ABCB1: variants seen among roughly 807,000 people sequenced by gnomAD.
The protein encoded by ABCB1 is ATP binding cassette subfamily B member 1.
A neutral mutation model predicts 142.0 loss-of-function variants in ABCB1; 69 were observed. The ratio of observed to expected loss-of-function variants is 0.49; its 90% CI spans 0.40 to 0.59. The LOEUF is 0.59. ABCB1 is among the 20% of genes least tolerant of loss of function. The pLI is 0.00. For synonymous variants in ABCB1, 532 were observed against 539.2 expected (o/e 0.99, Z 0.18); for missense variants, 1,326 against 1,554.7 (o/e 0.85, Z 2.47).
rs112610351 is a variant in ABCB1, at chr7:87,568,242, CAAT to C, written c.339-1269_339-1267del. Among the ~76,000 whole-genome samples, 529 of 135,946 alleles carry C rather than the reference CAAT, an allele frequency of 3.9e-3. 1 individual carries two copies. Among genetic ancestry groups the C allele is most frequent in the African/African-American group, 0.011 (415 of 36,530 alleles). 89.2% of individuals were successfully genotyped at this position (135,946 alleles called of 152,430 possible). On this transcript the variant is annotated intron_variant, in intron 5 of 27. Coordinates refer to ENST00000622132, the MANE Select transcript of ABCB1 (RefSeq NM_001348946.2). ...AATCCCGTCTCTACTAAAAATACGACAATAATAATAATAATAATAATAATAAAA... is the reference window on the plus strand; with the variant it reads ...AATCCCGTCTCTACTAAAAATACGACAATAATAATAATAATAATAATAAAA...
intron 1 of ABCB1, among the ~76,000 whole-genome samples, chr7:87,661,576 C>T (rs548563898): frequency 3.3e-5 from 5 of 151,850 alleles, no homozygotes; most frequent in South Asian, 4.2e-4. Context: ...CAGTTCCATC[C>T]GTGTTTTTGC....
At chr7:87,655,037 G>A (rs1330055837) in intron 1 of ABCB1, among the ~76,000 whole-genome samples, 1 of 152,068 alleles carries the variant, frequency 6.6e-6, no homozygotes, top group Non-Finnish European at 1.5e-5. Context: ...AGGATAACAA[G>A]TGCTGGAGAA....
At chr7:87,635,556 A>G (rs1439973186) in intron 1 of ABCB1, among the ~76,000 whole-genome samples, 1 of 152,198 alleles carries the variant, frequency 6.6e-6, no homozygotes, top group Non-Finnish European at 1.5e-5. Context: ...GATATGTAGG[A>G]CATTGTGATA....
intron 21 of ABCB1, among the ~76,000 whole-genome samples, chr7:87,526,875 G>T (rs10240953): frequency 0.033 from 4,968 of 152,124 alleles, 266 homozygotes; most frequent in African/African-American, 0.11. Context: ...TATAGATATG[G>T]ACTCATCCTA....
chr7:87,622,590 A>C (rs1188077549), intron 1 of ABCB1, among the ~76,000 whole-genome samples: 1 of 152,236 alleles, frequency 6.6e-6, no homozygotes, highest in Non-Finnish European at 1.5e-5. Context: ...AGAATTATCT[A>C]GAGACTATAT....
chr7:87,624,108 CTT>C (rs1820323436), intron 1 of ABCB1, among the ~76,000 whole-genome samples: 1 of 152,108 alleles, frequency 6.6e-6, no homozygotes, highest in South Asian at 2.1e-4. Flanking sequence ...TTACTTTTGA[CTT>C]TGCTTATGAT....
Position 87,671,199 on chromosome 7 carries a change from C to T in ABCB1, c.-331+41962G>A, listed in dbSNP as rs567395332. 5.9e-5 allele frequency among the ~76,000 whole-genome samples: 9 copies of T among 152,212 alleles called. No individual in the cohort carries two copies. The South Asian group carries it at 6.2e-4, about 11-fold the overall frequency. On this transcript the variant is annotated intron_variant, in intron 1 of 28. Transcript: ENST00000265724. Reference sequence around the variant, plus strand: ...TGGGGTGTGTGGGACCTGTGGGAGACGTACTGGCCTCCTCTCCTTGGGCTG... The same window carrying T: ...TGGGGTGTGTGGGACCTGTGGGAGATGTACTGGCCTCCTCTCCTTGGGCTG...
chr7:87,677,389 G>A (rs149332230), intron 1 of ABCB1, among the ~76,000 whole-genome samples: 150 of 150,180 alleles, frequency 1.0e-3, no homozygotes, highest in Non-Finnish European at 1.2e-3. Flanking sequence ...GAACCTGGAG[G>A]TCAATAAACT....
At chr7:87,621,638 T>A (rs1039383492) in intron 1 of ABCB1, among the ~76,000 whole-genome samples, 1 of 152,070 alleles carries the variant, frequency 6.6e-6, no homozygotes, top group African/African-American at 2.4e-5. Context: ...GCATAAAAAT[T>A]CAAAATTTCT....
At chr7:87,556,109 T>C (rs1231501454) in intron 8 of ABCB1, among the ~76,000 whole-genome samples, 1 of 152,186 alleles carries the variant, frequency 6.6e-6, no homozygotes, top group Non-Finnish European at 1.5e-5. Context: ...AAATCATCCA[T>C]TCATCAAAGG....
rs1257710271 is a variant in ABCB1, at chr7:87,626,737, G to GTGTCATATATA, written c.-330-25670_-330-25660dup. On this transcript the variant is annotated intron_variant, in intron 1 of 28. Coordinates refer to the ABCB1 transcript ENST00000265724. ...TGTCATATATATGTGTCATATATAT[G>GTGTCATATATA]TGTCATATATATGTCATATATATGT... 7.8e-3 allele frequency among the ~76,000 whole-genome samples: 749 copies of GTGTCATATATA among 95,744 alleles called. 131 individuals carry two copies. Among genetic ancestry groups the GTGTCATATATA allele is most frequent in the African/African-American group, 0.038 (587 of 15,574 alleles). 62.8% of individuals were successfully genotyped at this position (95,744 alleles called of 152,430 possible).
intron 4 of ABCB1, 42 bp downstream of exon 4, chr7:87,585,470 G>A (rs1818705388): frequency 6.2e-7 from 1 of 1,602,042 alleles, no homozygotes; most frequent in African/African-American, 1.3e-5. Flanking sequence ...GCTTGTTTTT[G>A]CTGCAAGTTT....
Position 87,624,212 on chromosome 7 carries a change from G to C in ABCB1, c.-330-23134C>G, listed in dbSNP as rs144610497. ...GAGCTTTCACACACATGTGAGACGTGCCTCACCCAATCCTTGTTATGATGT... is the reference window on the plus strand; with the variant it reads ...GAGCTTTCACACACATGTGAGACGTCCCTCACCCAATCCTTGTTATGATGT... On this transcript the variant is annotated intron_variant, in intron 1 of 28. Transcript: ENST00000265724. 8.6e-3 allele frequency among the ~76,000 whole-genome samples: 1,304 copies of C among 152,232 alleles called. 17 individuals carry two copies. Among genetic ancestry groups the C allele is most frequent in the Middle Eastern group, 0.048 (14 of 294 alleles).
At chr7:87,574,770 C>T (rs1818205182) in intron 4 of ABCB1, among the ~76,000 whole-genome samples, 1 of 152,192 alleles carries the variant, frequency 6.6e-6, no homozygotes, top group Non-Finnish European at 1.5e-5. Flanking sequence ...TGCAATAGAA[C>T]TCCGTAGTAA....
intron 1 of ABCB1, among the ~76,000 whole-genome samples, chr7:87,664,237 G>A (rs917350674): frequency 6.6e-6 from 1 of 152,000 alleles, no homozygotes; most frequent in African/African-American, 2.4e-5. Context: ...GAGGCAGGAG[G>A]GTCACTTGAG....
At chr7:87,675,785 G>T (rs1826294279) in intron 1 of ABCB1, among the ~76,000 whole-genome samples, 1 of 150,626 alleles carries the variant, frequency 6.6e-6, no homozygotes, top group Non-Finnish European at 1.5e-5. Flanking sequence ...TTTAACATAA[G>T]ACCTGAAACT....
intron 1 of ABCB1, among the ~76,000 whole-genome samples, chr7:87,654,488 G>C (rs1004454497): frequency 6.6e-6 from 1 of 152,084 alleles, no homozygotes; most frequent in African/African-American, 2.4e-5. Flanking sequence ...GGAAAGGACA[G>C]TCTCTTTAAT....
At chr7:87,589,669 T>C (rs1476013528) in intron 3 of ABCB1, among the ~76,000 whole-genome samples, 1 of 151,888 alleles carries the variant, frequency 6.6e-6, no homozygotes, top group African/African-American at 2.4e-5. Context: ...CCTGGGGTCC[T>C]AGCTACTCCA....
intron 27 of ABCB1, among the ~76,000 whole-genome samples, chr7:87,505,020 G>C (rs1814672473): frequency 6.6e-6 from 1 of 152,040 alleles, no homozygotes; most frequent in Admixed American, 6.5e-5. Context: ...GTGGAGTGTA[G>C]TGGTACAATC....
Sources: allele counts gnomAD v4.1 joint callset (sites outside exome capture counted in the v4.1 genomes callset), GRCh38; gene constraint gnomAD v4.1.1; transcripts MANE v1.5; gene names NCBI Gene and HGNC (gene_info 2026-07-23, HGNC 2026-07-21).